The following SEC24D variants were observed in gnomAD, a reference collection of about 807,000 sequenced individuals.
The protein encoded by SEC24D is SEC24 homolog D, COPII component.
A neutral mutation model predicts 116.9 loss-of-function variants in SEC24D; 69 were observed. The observed-to-expected ratio is 0.59, with a 90% CI of 0.49 to 0.72. The LOEUF (loss-of-function observed/expected upper bound fraction) is 0.72. SEC24D is among the 30% of genes least tolerant of loss of function. The pLI, the probability that SEC24D is intolerant of heterozygous loss-of-function variation, is 0.00. For missense variants in SEC24D, 1,131 were observed against 1,264.1 expected (o/e 0.89, Z 1.60); for synonymous variants, 405 against 442.8 (o/e 0.91, Z 1.07).
chr4:118,732,174 C>T (rs1263883578), intron 20 of SEC24D, among the ~76,000 whole-genome samples: 1 of 152,084 alleles, frequency 6.6e-6, no homozygotes, highest in African/African-American at 2.4e-5. Context: ...CGGAGTCTTG[C>T]TCTGTCACCC....
chr4:118,804,264 G>T (rs1039306531), intron 7 of SEC24D, among the ~76,000 whole-genome samples: 3 of 152,084 alleles, frequency 2.0e-5, no homozygotes, highest in Admixed American at 2.0e-4. Flanking sequence ...AATATTTATT[G>T]GTCAACTAGT....
intron 21 of SEC24D, 56 bp downstream of exon 21, chr4:118,731,260 C>T: frequency 2.1e-6 from 3 of 1,428,628 alleles, no homozygotes; most frequent in Non-Finnish European, 2.0e-6. Context: ...TAAATAAAAA[C>T]ATTTACGAAT....
At chr4:118,817,446 A>C in intron 3 of SEC24D, 34 bp from the exon 4 acceptor site, 2 of 1,582,596 alleles carry the variant, frequency 1.3e-6, no homozygotes, top group Non-Finnish European at 8.6e-7. Flanking sequence ...AAACAATATC[A>C]CAGCGTCTCA....
chr4:118,757,611 G>A (rs1727163848), intron 11 of SEC24D, 110 bp downstream of exon 11: 1 of 880,474 alleles, frequency 1.1e-6, no homozygotes, highest in Non-Finnish European at 1.8e-6. Flanking sequence ...TAATTACCCA[G>A]TGTCCTCATT....
At chr4:118,757,585 C>G in intron 11 of SEC24D, 136 bp downstream of exon 11, 1 of 663,418 alleles carries the variant, frequency 1.5e-6, no homozygotes, top group Non-Finnish European at 2.5e-6. Context: ...AACAATGATG[C>G]TGTTTGATTT....
chr4:118,738,233 T>A, intron 19 of SEC24D, 28 bp downstream of exon 19: 1 of 1,444,866 alleles, frequency 6.9e-7, no homozygotes, highest in Non-Finnish European at 9.7e-7. Context: ...TGTAACACTT[T>A]AACATCTATG....
chr4:118,735,547 G>T (rs980870814), intron 19 of SEC24D, among the ~76,000 whole-genome samples: 3 of 151,964 alleles, frequency 2.0e-5, no homozygotes, highest in African/African-American at 7.3e-5. Context: ...AGCTTATTTT[G>T]CAGTTAAGGT....
intron 10 of SEC24D, among the ~76,000 whole-genome samples, chr4:118,759,363 C>G (rs1560649549): frequency 6.6e-6 from 1 of 152,176 alleles, no homozygotes; most frequent in Non-Finnish European, 1.5e-5. Context: ...CATCCCTACT[C>G]TTAACCATCT....
intron 8 of SEC24D, among the ~76,000 whole-genome samples, chr4:118,782,505 G>C (rs1347535968): frequency 6.6e-6 from 1 of 152,168 alleles, no homozygotes; most frequent in Admixed American, 6.5e-5. Flanking sequence ...ACCTGTATGA[G>C]GTGTCAGTCA....
At chr4:118,817,613 T>G (rs1730208144) in intron 3 of SEC24D, among the ~76,000 whole-genome samples, 1 of 152,104 alleles carries the variant, frequency 6.6e-6, no homozygotes, top group Non-Finnish European at 1.5e-5. Flanking sequence ...TATGCTCACA[T>G]GCTGAACATG....
chr4:118,744,588 C>A (rs1384722623), intron 14 of SEC24D, among the ~76,000 whole-genome samples: 2 of 152,198 alleles, frequency 1.3e-5, no homozygotes, highest in African/African-American at 2.4e-5. Flanking sequence ...GAGAACCCCA[C>A]ACCTGTGCTT....
chr4:118,738,100 A>C (rs1726053590), intron 19 of SEC24D, 161 bp downstream of exon 19: 1 of 536,956 alleles, frequency 1.9e-6, no homozygotes. Context: ...AAAAAAAAAA[A>C]CCACAGCCCC....
At chr4:118,783,450 A>G (rs1199234987) in intron 8 of SEC24D, among the ~76,000 whole-genome samples, 1 of 152,252 alleles carries the variant, frequency 6.6e-6, no homozygotes, top group Non-Finnish European at 1.5e-5. Flanking sequence ...CCATGAGGGC[A>G]GAGATCTTTG....
intron 11 of SEC24D, chr4:118,754,100 C>T (rs1011975297): frequency 2.0e-5 from 3 of 152,136 alleles, no homozygotes; most frequent in Middle Eastern, 3.2e-3. Context: ...GTTTTCTTCT[C>T]TACTTCCTTC....
chr4:118,724,427 AT>A (rs1409316406), intron 22 of SEC24D, among the ~76,000 whole-genome samples: 1 of 152,156 alleles, frequency 6.6e-6, no homozygotes. Context: ...AGATTTCTAT[AT>A]TTTCTATATA....
chr4:118,726,156 G>A lies in SEC24D; in HGVS notation c.2958+2405C>T, dbSNP rs115169123. Among the ~76,000 whole-genome samples, 1,216 of 152,286 alleles carry A rather than the reference G, an allele frequency of 8.0e-3. 17 individuals carry two copies. Among genetic ancestry groups the A allele is most frequent in the African/African-American group, 0.028 (1,152 of 41,562 alleles). The stretch of plus-strand genomic sequence containing the variant: ...CAAAAGCCAATCTCATCTTTCATTG[G>A]CTGACTCACAGGGAATCGCTAAAGC... On this transcript the variant is annotated intron_variant, in intron 22 of 22. Transcript: ENST00000280551.
intron 22 of SEC24D, among the ~76,000 whole-genome samples, chr4:118,727,177 G>A (rs1453269602): frequency 1.3e-5 from 2 of 152,200 alleles, no homozygotes; most frequent in African/African-American, 4.8e-5. Context: ...TCTGACATCT[G>A]TAGATTTTAG....
At chr4:118,826,251 C>G (rs1311612096) in intron 2 of SEC24D, among the ~76,000 whole-genome samples, 1 of 152,086 alleles carries the variant, frequency 6.6e-6, no homozygotes, top group African/African-American at 2.4e-5. Flanking sequence ...GACTTGCAGT[C>G]ACAGACAAGT....
intron 6 of SEC24D, among the ~76,000 whole-genome samples, chr4:118,812,590 G>A (rs1310748593): frequency 1.3e-5 from 2 of 151,764 alleles, no homozygotes; most frequent in African/African-American, 2.4e-5. Flanking sequence ...GGGAAGAGGC[G>A]GAGTTTGGCC....
Sources: allele counts gnomAD v4.1 joint callset (sites outside exome capture counted in the v4.1 genomes callset), GRCh38; gene constraint gnomAD v4.1.1; transcripts MANE v1.5; gene names NCBI Gene and HGNC (gene_info 2026-07-23, HGNC 2026-07-21).